Variants in METAP1 observed in about 807,000 individuals in gnomAD.
The protein encoded by METAP1 is methionine aminopeptidase 1.
Under a neutral mutation model 53.8 loss-of-function variants are expected in METAP1, and 28 were observed. That is an observed-to-expected ratio of 0.52 (90% confidence interval 0.39 to 0.71). The LOEUF (loss-of-function observed/expected upper bound fraction) is 0.71, where lower values mean the gene tolerates loss of function less well. Ranked by LOEUF, METAP1 falls within the 30% of genes least tolerant of loss-of-function variation. METAP1 has a pLI of 0.00. For synonymous variants in METAP1, 181 were observed against 165.7 expected (o/e 1.09, Z -0.71); for missense variants, 389 against 479.8 (o/e 0.81, Z 1.77).
At chr4:99,059,675 T>G (rs780362176) in intron 10 of METAP1, among the ~76,000 whole-genome samples, 6 of 152,172 alleles carry the variant, frequency 3.9e-5, no homozygotes, top group Non-Finnish European at 7.3e-5. Flanking sequence ...TCATTCCACC[T>G]CTGCTTCACA....
intron 5 of METAP1, 120 bp downstream of exon 5, chr4:99,039,585 C>CTTT: frequency 4.6e-6 from 2 of 436,946 alleles, no homozygotes; most frequent in Non-Finnish European, 7.8e-6. Flanking sequence ...ACCAGCCATG[C>CTTT]TTTTTTTTTT....
chr4:99,040,069 G>A (rs1397981233), intron 5 of METAP1, among the ~76,000 whole-genome samples: 1 of 152,204 alleles, frequency 6.6e-6, no homozygotes. Flanking sequence ...TATAATTTTA[G>A]TCAACAGTTT....
chr4:99,013,734 T>C (rs1205835737), intron 1 of METAP1, among the ~76,000 whole-genome samples: 2 of 152,212 alleles, frequency 1.3e-5, no homozygotes, highest in Non-Finnish European at 2.9e-5. Context: ...AAGTTAGTGA[T>C]GAGAGGTCAG....
chr4:99,014,801 A>G (rs1003118380), intron 1 of METAP1, among the ~76,000 whole-genome samples: 8 of 152,212 alleles, frequency 5.3e-5, no homozygotes, highest in Non-Finnish European at 1.0e-4. Context: ...GTCCCACTCA[A>G]GGATGGCTGA....
intron 9 of METAP1, among the ~76,000 whole-genome samples, chr4:99,057,229 C>A (rs994607611): frequency 6.6e-6 from 1 of 152,208 alleles, no homozygotes; most frequent in Non-Finnish European, 1.5e-5. Context: ...ATGAGAAAAA[C>A]ACAACAGCTT....
At chr4:99,023,701 A>G (rs1579273002) in intron 1 of METAP1, 2 of 985,400 alleles carry the variant, frequency 2.0e-6, no homozygotes, top group Non-Finnish European at 2.4e-6. Flanking sequence ...ATGGGGAGAT[A>G]TGTTGTGAAG....
At chr4:99,047,690 G>A (rs1428676541) in intron 8 of METAP1, among the ~76,000 whole-genome samples, 1 of 152,154 alleles carries the variant, frequency 6.6e-6, no homozygotes, top group Non-Finnish European at 1.5e-5. Flanking sequence ...AGGCTGAGTA[G>A]GAGAGTAGAG....
intron 2 of METAP1, among the ~76,000 whole-genome samples, chr4:99,030,483 T>C (rs1724933783): frequency 6.6e-6 from 1 of 152,194 alleles, no homozygotes; most frequent in Non-Finnish European, 1.5e-5. Context: ...ATGAGCCTGC[T>C]GTTCTTAATC....
At chr4:99,030,670 G>A (rs768217794) in intron 2 of METAP1, among the ~76,000 whole-genome samples, 2 of 152,068 alleles carry the variant, frequency 1.3e-5, no homozygotes, top group Non-Finnish European at 2.9e-5. Flanking sequence ...GAAACAGAAT[G>A]TTGCACTAGG....
At chr4:98,996,792 CTT>C (rs1329606746) in intron 1 of METAP1, among the ~76,000 whole-genome samples, 3 of 152,166 alleles carry the variant, frequency 2.0e-5, no homozygotes. Flanking sequence ...TAGTATGGCT[CTT>C]AGTTACAGTC....
intron 1 of METAP1, among the ~76,000 whole-genome samples, chr4:98,996,227 A>T (rs1722618511): frequency 6.6e-6 from 1 of 152,100 alleles, no homozygotes; most frequent in Non-Finnish European, 1.5e-5. Flanking sequence ...GGAGGCAGGT[A>T]GCGGCGCCGG....
chr4:99,039,584 G>T, intron 5 of METAP1, 119 bp downstream of exon 5: 2 of 520,946 alleles, frequency 3.8e-6, no homozygotes. Flanking sequence ...GACCAGCCAT[G>T]CTTTTTTTTT....
At chr4:99,023,236 A>C (rs1268284518) in intron 1 of METAP1, 1 of 447,100 alleles carries the variant, frequency 2.2e-6, no homozygotes, top group Non-Finnish European at 3.7e-6. Context: ...ATTGATGTAT[A>C]TCTAAATTCT....
chr4:99,003,124 T>A (rs1579234429), intron 1 of METAP1, among the ~76,000 whole-genome samples: 1 of 152,208 alleles, frequency 6.6e-6, no homozygotes, highest in South Asian at 2.1e-4. Flanking sequence ...TTAATTGGGG[T>A]CTGCTATCTG....
intron 1 of METAP1, among the ~76,000 whole-genome samples, chr4:99,012,967 C>G (rs1054782911): frequency 1.3e-5 from 2 of 152,060 alleles, no homozygotes; most frequent in Admixed American, 6.5e-5. Context: ...ATCTAGGGGA[C>G]TGGAATTAAT....
chr4:99,026,677 A>G (rs778982364), intron 1 of METAP1: 450 of 985,300 alleles, frequency 4.6e-4, no homozygotes, highest in Non-Finnish European at 5.3e-4. Flanking sequence ...GATTTTGAGT[A>G]TTCCTCTTCT....
intron 2 of METAP1, among the ~76,000 whole-genome samples, chr4:99,033,323 A>G (rs1179329387): frequency 1.3e-5 from 2 of 152,036 alleles, no homozygotes; most frequent in Non-Finnish European, 2.9e-5. Flanking sequence ...GTAGAATGAC[A>G]ATAATCAGGA....
intron 7 of METAP1, among the ~76,000 whole-genome samples, chr4:99,043,835 T>C (rs1443496681): frequency 6.6e-6 from 1 of 152,182 alleles, no homozygotes; most frequent in Non-Finnish European, 1.5e-5. Flanking sequence ...AAGACCCCTA[T>C]GTTAAGCTAC....
chr4:99,052,198 A>G (rs180819795), intron 9 of METAP1, among the ~76,000 whole-genome samples: 1 of 152,330 alleles, frequency 6.6e-6, no homozygotes, highest in Non-Finnish European at 1.5e-5. Context: ...AAAAAATGCT[A>G]ACAGTCATCT....
Sources: allele counts gnomAD v4.1 joint callset (sites outside exome capture counted in the v4.1 genomes callset), GRCh38; gene constraint gnomAD v4.1.1; transcripts MANE v1.5; gene names NCBI Gene and HGNC (gene_info 2026-07-23, HGNC 2026-07-21).